The following HS6ST2 variants were observed in gnomAD, a reference collection of about 807,000 sequenced individuals.
HS6ST2 encodes heparan sulfate 6-O-sulfotransferase 2.
HS6ST2 carries 17 observed loss-of-function variants against 33.0 expected under a neutral mutation model. That is an observed-to-expected ratio of 0.52 (90% CI 0.35 to 0.77). HS6ST2 has a LOEUF of 0.77. Among genes scored for constraint, HS6ST2 ranks in the 30% least tolerant of loss-of-function variants. The probability of loss-of-function intolerance (pLI) is 0.01; values close to 1 mark genes in which losing one functional copy is unlikely to be tolerated. For missense variants in HS6ST2, 519 were observed against 551.7 expected (o/e 0.94, Z 0.59); for synonymous variants, 248 against 237.1 (o/e 1.05, Z -0.42).
intron 3 of HS6ST2, among the ~76,000 whole-genome samples, chrX:132,691,833 G>A (rs1029629834): frequency 9.0e-6 from 1 of 111,522 alleles, no homozygotes. Flanking sequence ...ATTTTTAACA[G>A]CTCCACACTC....
intron 4 of HS6ST2, among the ~76,000 whole-genome samples, chrX:132,652,903 T>C (rs772041262): frequency 9.0e-6 from 1 of 111,634 alleles, no homozygotes; most frequent in Non-Finnish European, 1.9e-5. Flanking sequence ...GTGTTAATGA[T>C]TTAAACTCAG....
chrX:132,844,476 T>C (rs1247630953), intron 2 of HS6ST2, among the ~76,000 whole-genome samples: 2 of 111,579 alleles, frequency 1.8e-5, no homozygotes, highest in Non-Finnish European at 3.8e-5. Flanking sequence ...TCTGCCTGGA[T>C]GAGCTAATTT....
rs1041465864 is a variant in HS6ST2 at position 132,860,471 on chromosome X, T to C, written c.947+96337A>G. On this transcript the variant is annotated intron_variant, in intron 2 of 4. Transcript: ENST00000370833. ...CCATCACACAGTAAATCTCCTTGCA[T>C]AAAGCAGTGCTTTCTTCTACAGATT... Among the ~76,000 whole-genome samples the C allele has an allele frequency of 4.5e-5, 5 of 112,325 alleles. No homozygotes were observed. The Admixed American group carries it at 4.7e-4, about 11-fold the overall frequency.
At chrX:132,726,141 A>G (rs1217014720) in intron 2 of HS6ST2, among the ~76,000 whole-genome samples, 1 of 77,358 alleles carries the variant, frequency 1.3e-5, no homozygotes, top group East Asian at 3.8e-4. Context: ...ATTTAATTGT[A>G]CCCTTTAAAA....
intron 2 of HS6ST2, among the ~76,000 whole-genome samples, chrX:132,768,000 T>C (rs2064864700): frequency 9.0e-6 from 1 of 111,153 alleles, no homozygotes; most frequent in Non-Finnish European, 1.9e-5. Flanking sequence ...CTCTCAGAGT[T>C]GATACATCTT....
At chrX:132,670,204 C>G (rs748894582) in intron 3 of HS6ST2, among the ~76,000 whole-genome samples, 2 of 111,455 alleles carry the variant, frequency 1.8e-5, no homozygotes, top group South Asian at 7.5e-4. Context: ...ATAATAGAAC[C>G]TTCCAGTGGC....
chrX:132,726,290 C>G (rs2064391491), intron 2 of HS6ST2, among the ~76,000 whole-genome samples: 1 of 110,003 alleles, frequency 9.1e-6, no homozygotes, highest in Admixed American at 9.6e-5. Context: ...AATATATACA[C>G]CTACTATGTA....
At chrX:132,743,978 C>T (rs1363715468) in intron 2 of HS6ST2, among the ~76,000 whole-genome samples, 2 of 110,537 alleles carry the variant, frequency 1.8e-5, no homozygotes, top group East Asian at 2.9e-4. Flanking sequence ...TGTGGAGAAA[C>T]GGGTCTTGCC....
At chrX:132,787,053 C>T (rs2065067936) in intron 2 of HS6ST2, among the ~76,000 whole-genome samples, 1 of 102,912 alleles carries the variant, frequency 9.7e-6, no homozygotes, top group South Asian at 4.4e-4. Flanking sequence ...AACATAAATC[C>T]CAAGCTGGGT....
intron 2 of HS6ST2, among the ~76,000 whole-genome samples, chrX:132,770,805 G>T (rs1211709780): frequency 9.0e-6 from 1 of 110,761 alleles, no homozygotes; most frequent in Non-Finnish European, 1.9e-5. Flanking sequence ...GGGCAGTGTG[G>T]CTAATACAAC....
chrX:132,637,898 A>AT lies in HS6ST2; in HGVS notation c.1068-8806dup, dbSNP rs2063571534. The stretch of plus-strand genomic sequence containing the variant: ...ATAATATATATATAATATTTTATAT[A>AT]TAATATTATATATAATATTTTATAT... On this transcript the variant is annotated intron_variant, in intron 4 of 4. Transcript: ENST00000370833. Among the ~76,000 whole-genome samples the AT allele has an allele frequency of 7.7e-5, 4 of 51,900 alleles. No homozygotes were observed. The South Asian group carries it at 2.1e-3, about 27-fold the overall frequency. 45.1% of individuals were successfully genotyped at this position (51,900 alleles called of 115,157 possible).
intron 2 of HS6ST2, among the ~76,000 whole-genome samples, chrX:132,925,038 G>A (rs111614291): frequency 0.11 from 12,392 of 110,724 alleles, 1,668 homozygotes; most frequent in African/African-American, 0.38. Flanking sequence ...CTGTGATCGC[G>A]CCACTGCACT....
intron 4 of HS6ST2, among the ~76,000 whole-genome samples, chrX:132,637,776 A>G (rs2063559743): frequency 1.4e-5 from 1 of 71,015 alleles, no homozygotes; most frequent in South Asian, 6.0e-4. Flanking sequence ...ATATATTTAT[A>G]TATATAATAT....
chrX:132,696,287 CTT>C (rs2064104500), intron 3 of HS6ST2, among the ~76,000 whole-genome samples: 1 of 111,822 alleles, frequency 8.9e-6, no homozygotes, highest in South Asian at 3.8e-4. Context: ...CCGTGTATAT[CTT>C]TACCTACCCA....
chrX:132,824,099 G>C, intron 2 of HS6ST2, among the ~76,000 whole-genome samples: 1 of 110,685 alleles, frequency 9.0e-6, no homozygotes, highest in Non-Finnish European at 1.9e-5. Context: ...AGTCAACATG[G>C]ACCAATCTAT....
intron 2 of HS6ST2, among the ~76,000 whole-genome samples, chrX:132,915,955 G>A (rs989255292): frequency 1.8e-5 from 2 of 108,771 alleles, no homozygotes; most frequent in East Asian, 2.9e-4. Flanking sequence ...GGCTGGTCTC[G>A]AACTCCTGAC....
At chrX:132,937,268 C>T (rs35910101) in intron 2 of HS6ST2, among the ~76,000 whole-genome samples, 1,565 of 111,906 alleles carry the variant, frequency 0.014, 25 homozygotes, top group East Asian at 0.099. Flanking sequence ...GTCCACACTA[C>T]CCAAAGCAAT....
chrX:132,850,731 T>TACACAC (rs111520127), intron 2 of HS6ST2, among the ~76,000 whole-genome samples: 93 of 105,532 alleles, frequency 8.8e-4, no homozygotes, highest in Middle Eastern at 5.0e-3. Flanking sequence ...TTTCTACATC[T>TACACAC]ACACACACAC....
chrX:132,865,781 G>C (rs1237292086), intron 2 of HS6ST2, among the ~76,000 whole-genome samples: 2 of 111,940 alleles, frequency 1.8e-5, no homozygotes, highest in African/African-American at 6.5e-5. Flanking sequence ...GTCTTCTTTT[G>C]AGAAGTGTCT....
Sources: allele counts gnomAD v4.1 joint callset (sites outside exome capture counted in the v4.1 genomes callset), GRCh38; gene constraint gnomAD v4.1.1; transcripts MANE v1.5; gene names NCBI Gene and HGNC (gene_info 2026-07-23, HGNC 2026-07-21).